The following RETREG1 variants were observed in gnomAD, a reference collection of about 807,000 sequenced individuals.
RETREG1 encodes the protein family with sequence similarity 134 member B.
Under a neutral mutation model 54.8 loss-of-function variants are expected in RETREG1, and 44 were observed. That is an observed-to-expected ratio of 0.80 (90% confidence interval 0.63 to 1.03). The LOEUF is 1.03. Ranked by LOEUF, RETREG1 falls within the 50% of genes least tolerant of loss-of-function variation. The pLI is 0.00. For synonymous variants in RETREG1, 217 were observed against 238.5 expected, an observed-to-expected ratio of 0.91 and a Z score of 0.83; for missense variants, 554 against 605.1, an observed-to-expected ratio of 0.92 and a Z score of 0.89.
intron 3 of RETREG1, among the ~76,000 whole-genome samples, chr5:16,506,946 T>G (rs372749753): frequency 1.3e-5 from 2 of 152,200 alleles, no homozygotes; most frequent in African/African-American, 4.8e-5. Flanking sequence ...TTGGTAATAA[T>G]AATCATTATA....
intron 1 of RETREG1, among the ~76,000 whole-genome samples, chr5:16,578,456 C>A (rs894683174): frequency 1.3e-5 from 2 of 152,076 alleles, no homozygotes; most frequent in Non-Finnish European, 2.9e-5. Context: ...TGTTTCTAAC[C>A]GATCTTTACA....
intron 3 of RETREG1, among the ~76,000 whole-genome samples, chr5:16,555,643 G>A (rs1341461530): frequency 6.6e-5 from 10 of 152,056 alleles, no homozygotes; most frequent in Non-Finnish European, 1.5e-4. Context: ...AAGTGATTTG[G>A]GTATTCTTCT....
In RETREG1 at chr5:16,616,767, T is replaced by C. The variant is rs1440735508; in HGVS notation, c.205A>G (p.Thr69Ala). 2 of 1,549,540 alleles carry C rather than the reference T, an allele frequency of 1.3e-6. No individual in the cohort carries two copies. Among genetic ancestry groups the C allele is most frequent in the Non-Finnish European group, 1.7e-6 (2 of 1,155,506 alleles). ...EAAGRAAAAV[T>A]WLLGEPVLWL... Reference sequence around the variant, plus strand: ...AGCACCGGCTCCCCGAGCAGCCAGGTTACCGCGGCCGCCGCCCGGCCCGCG... The same window carrying C: ...AGCACCGGCTCCCCGAGCAGCCAGGCTACCGCGGCCGCCGCCCGGCCCGCG... Residue 69 changes from threonine (T) to alanine (A), a missense_variant, in exon 1 of 9, where the codon ACC becomes GCC. Around this residue, in one of 4 missense-constraint regions of RETREG1, gnomAD observed 175 missense variants for 142.1 expected, o/e 1.23. Transcript: ENST00000306320.
chr5:16,581,398 T>C (rs1742470583), intron 1 of RETREG1, among the ~76,000 whole-genome samples: 1 of 152,176 alleles, frequency 6.6e-6, no homozygotes, highest in Admixed American at 6.5e-5. Flanking sequence ...CCAGGCCCTG[T>C]GTGGCTGTCT....
intron 1 of RETREG1, among the ~76,000 whole-genome samples, chr5:16,577,082 G>T (rs1008535717): frequency 6.6e-6 from 1 of 152,020 alleles, no homozygotes; most frequent in African/African-American, 2.4e-5. Flanking sequence ...ATCTGAGAAA[G>T]TCATCTGCTG....
chr5:16,487,777 A>G (rs1023730199), intron 3 of RETREG1, among the ~76,000 whole-genome samples: 1 of 152,264 alleles, frequency 6.6e-6, no homozygotes, highest in Admixed American at 6.5e-5. Flanking sequence ...CTCTAAGGGA[A>G]TAAAACATGG....
chr5:16,569,667 T>G (rs1273577241), intron 2 of RETREG1, among the ~76,000 whole-genome samples: 3 of 152,176 alleles, frequency 2.0e-5, no homozygotes, highest in Non-Finnish European at 4.4e-5. Context: ...TCAGATGGTA[T>G]AGGAGGCTGA....
chr5:16,566,804 T>A (rs1413311386), intron 2 of RETREG1, among the ~76,000 whole-genome samples: 1 of 152,248 alleles, frequency 6.6e-6, no homozygotes, highest in Non-Finnish European at 1.5e-5. Flanking sequence ...TGAACAGTTT[T>A]GTGCTTATGT....
intron 3 of RETREG1, among the ~76,000 whole-genome samples, chr5:16,495,362 A>G (rs1477805930): frequency 6.6e-6 from 1 of 152,254 alleles, no homozygotes; most frequent in African/African-American, 2.4e-5. Context: ...CAAATAGCCA[A>G]GTCAATGAAA....
intron 3 of RETREG1, among the ~76,000 whole-genome samples, chr5:16,488,335 T>G (rs1383252393): frequency 2.0e-5 from 3 of 151,736 alleles, no homozygotes; most frequent in African/African-American, 7.3e-5. Flanking sequence ...AATAAGGGAG[T>G]TATGTGATCA....
intron 1 of RETREG1, among the ~76,000 whole-genome samples, chr5:16,610,896 C>T (rs1341670928): frequency 3.3e-5 from 5 of 152,166 alleles, no homozygotes; most frequent in African/African-American, 1.2e-4. Flanking sequence ...CCCAGCCATC[C>T]CATTACTGGG....
chr5:16,584,996 A>C (rs73753723), intron 1 of RETREG1, among the ~76,000 whole-genome samples: 9,649 of 151,904 alleles, frequency 0.064, 1,021 homozygotes, highest in African/African-American at 0.22. Flanking sequence ...CTAGGGAAGT[A>C]CTTCTTTAGT....
At chr5:16,532,875 C>T (rs1740953321) in intron 3 of RETREG1, among the ~76,000 whole-genome samples, 1 of 152,098 alleles carries the variant, frequency 6.6e-6, no homozygotes. Flanking sequence ...ATTGCAAATC[C>T]CAACACAGAT....
chr5:16,477,209 A>G (rs985193251), intron 8 of RETREG1, among the ~76,000 whole-genome samples: 2 of 152,188 alleles, frequency 1.3e-5, no homozygotes, highest in African/African-American at 4.8e-5. Context: ...ACAGCTTTTG[A>G]TAATTCATGC....
intron 3 of RETREG1, among the ~76,000 whole-genome samples, chr5:16,493,251 A>T (rs1158719434): frequency 1.3e-5 from 2 of 152,222 alleles, no homozygotes; most frequent in Non-Finnish European, 2.9e-5. Context: ...TCAACTACCC[A>T]TCATAGTATT....
rs1024627920 is a variant in RETREG1, at chr5:16,557,560, C to T, written c.458+8203G>A. ...GCTTGCTGTCAGTCAATGAATGGATCTGTTCTTTCTTCGGAGAGAGAAAGA... is the reference window on the plus strand; with the variant it reads ...GCTTGCTGTCAGTCAATGAATGGATTTGTTCTTTCTTCGGAGAGAGAAAGA... On this transcript the variant is annotated intron_variant, in intron 3 of 8. Transcript: ENST00000306320. 2.6e-5 allele frequency among the ~76,000 whole-genome samples: 4 copies of T among 152,196 alleles called. No individual in the cohort carries two copies. In the South Asian group the frequency reaches 8.3e-4, roughly 31 times the overall value.
chr5:16,548,721 G>A (rs1389117494), intron 3 of RETREG1, among the ~76,000 whole-genome samples: 2 of 152,174 alleles, frequency 1.3e-5, no homozygotes, highest in African/African-American at 2.4e-5. Context: ...CTTCTTGACT[G>A]AAAATATTTT....
At chr5:16,556,189 C>T (rs1457132915) in intron 3 of RETREG1, among the ~76,000 whole-genome samples, 2 of 151,446 alleles carry the variant, frequency 1.3e-5, no homozygotes, top group Admixed American at 1.3e-4. Flanking sequence ...GACAGAGTCT[C>T]GCTCTGTCGC....
chr5:16,512,305 G>A (rs76932156), intron 3 of RETREG1, among the ~76,000 whole-genome samples: 5,199 of 152,142 alleles, frequency 0.034, 307 homozygotes, highest in African/African-American at 0.12. Context: ...ACCTCTCCAG[G>A]TCACTATGCC....
Sources: allele counts gnomAD v4.1 joint callset (sites outside exome capture counted in the v4.1 genomes callset), GRCh38; gene constraint gnomAD v4.1.1; regional missense constraint gnomAD v4.1.1; transcripts MANE v1.5; gene names NCBI Gene and HGNC (gene_info 2026-07-23, HGNC 2026-07-21).